USP40: variants seen among roughly 807,000 people sequenced by gnomAD.
USP40 encodes ubiquitin specific peptidase 40, also known as ubiquitin carboxyl-terminal hydrolase 40.
USP40 carries 143 observed loss-of-function variants against 166.2 expected under a neutral mutation model. The ratio of observed to expected loss-of-function variants is 0.86; its 90% CI spans 0.75 to 0.99. USP40 has a LOEUF of 0.99. USP40 is among the 50% of genes least tolerant of loss of function. The pLI is 0.00. For synonymous variants in USP40, 498 were observed against 524.0 expected, an observed-to-expected ratio of 0.95 and a Z score of 0.68; for missense variants, 1,444 against 1,479.7, an observed-to-expected ratio of 0.98 and a Z score of 0.40.
Position 233,486,766 on chromosome 2 carries a change from A to G in USP40, c.3198-789T>C, listed in dbSNP as rs1380809862. On this transcript the variant is annotated intron_variant, in intron 28 of 31. Transcript: ENST00000678225. The surrounding 1 kb of genome is among the most constrained non-coding windows in gnomAD (Gnocchi z 4.0). ...CGGGAAGATGTGGGCCCATGGAATC[A>G]GGGGAGTGCAGAGTGCAAGAGCAGA... Among the ~76,000 whole-genome samples the G allele has an allele frequency of 6.6e-6, 1 of 152,222 alleles. No homozygotes were observed. Among genetic ancestry groups the G allele is most frequent in the Non-Finnish European group, 1.5e-5 (1 of 68,024 alleles).
At chr2:233,503,819 C>T (rs1444109254) in intron 21 of USP40, among the ~76,000 whole-genome samples, 3 of 152,112 alleles carry the variant, frequency 2.0e-5, no homozygotes, top group Non-Finnish European at 4.4e-5. Flanking sequence ...ATCATGAAAA[C>T]ACATGAAAGT....
rs2971861 is a variant in USP40 at position 233,477,013 on chromosome 2, C to G, written c.*379G>C. The G allele has an allele frequency of 0.23, 76,544 of 338,194 alleles. 9,786 individuals carry two copies. Among genetic ancestry groups the G allele is most frequent in the African/African-American group, 0.4 (18,485 of 46,412 alleles). The allele number at this position is 338,194 out of a possible 1,614,324, so 20.9% of individuals were successfully genotyped here. A position where few individuals can be genotyped will look rare whatever the true frequency, so the allele number is the denominator to read the frequency against. ...TCTGAACACGGAGGAAAGTGGCTGG[C>G]CTGACCCCACACACCTCCCACAGCG... is the stretch of plus-strand genomic sequence containing the variant. On this transcript the variant is annotated 3_prime_UTR_variant, in exon 32 of 32. Transcript: ENST00000678225.
At chr2:233,496,213 C>T (rs914638302) in intron 24 of USP40, among the ~76,000 whole-genome samples, 10 of 152,180 alleles carry the variant, frequency 6.6e-5, no homozygotes, top group Admixed American at 5.9e-4. Flanking sequence ...TTCACTTTTA[C>T]GTGCATCCTC....
intron 20 of USP40, 97 bp downstream of exon 20, chr2:233,511,612 T>C (rs2066841364): frequency 2.3e-6 from 2 of 872,250 alleles, no homozygotes; most frequent in Middle Eastern, 2.3e-4. Context: ...AAAAAACTTT[T>C]AGAGAAAAAC....
At position 233,493,651 on chromosome 2, in the gene USP40, C is replaced by T; in HGVS notation, c.2791-100G>A. On this transcript the variant is annotated intron_variant, in intron 24 of 31. Transcript: ENST00000678225. The surrounding 1 kb of genome is among the most constrained non-coding windows in gnomAD (Gnocchi z 4.7). Reference sequence around the variant, plus strand: ...AAACACCTTGATGACCTAAGATGTTCTTGAACTTATCATTTTTCCTTTTAG... The same window carrying T: ...AAACACCTTGATGACCTAAGATGTTTTTGAACTTATCATTTTTCCTTTTAG... 4 of 1,267,434 alleles carry T rather than the reference C, an allele frequency of 3.2e-6. No homozygotes were observed. Among genetic ancestry groups the T allele is most frequent in the South Asian group, 4.2e-5 (2 of 47,688 alleles). 78.5% of individuals were successfully genotyped at this position (1,267,434 alleles called of 1,614,324 possible).
chr2:233,481,225 GT>G lies in USP40; in HGVS notation c.3576del (p.Gln1192HisfsTer56), dbSNP rs2064566059. On this transcript the variant is annotated frameshift_variant, in exon 31 of 32. Coordinates refer to ENST00000678225, the MANE Select transcript of USP40 (RefSeq NM_001365479.2). LOFTEE classifies it low-confidence loss of function (END_TRUNC). The part of the protein sequence containing the change: ...RDDTGKEKQK[Q>X]RALGRRKSQE... ...TACCTTTTCCTTCTCCCCAGGGCCC[GT>G]TGTTTCTGCTTTTCTTTTCCAGTGT... The G allele has an allele frequency of 6.2e-7, 1 of 1,607,450 alleles. No individual in the cohort carries two copies. The highest frequency in any genetic ancestry group is 8.5e-7 in the Non-Finnish European group (1 of 1,176,728).
intron 11 of USP40, among the ~76,000 whole-genome samples, chr2:233,533,273 GA>G (rs1372264333): frequency 6.6e-6 from 1 of 152,108 alleles, no homozygotes; most frequent in Admixed American, 6.6e-5. Context: ...TTACAGGGTA[GA>G]AAATTAAAGA....
At chr2:233,534,081 T>C (rs1461027464) in intron 10 of USP40, among the ~76,000 whole-genome samples, 5 of 152,190 alleles carry the variant, frequency 3.3e-5, no homozygotes, top group South Asian at 2.1e-4. Context: ...ACAGATTAGG[T>C]AGAACAAACA....
chr2:233,488,046 T>C (rs998477337), intron 28 of USP40, 193 bp downstream of exon 28: 3 of 712,676 alleles, frequency 4.2e-6, no homozygotes, highest in African/African-American at 1.8e-5. Context: ...TTACTGTTTT[T>C]ATGGGAGAAT....
intron 6 of USP40, among the ~76,000 whole-genome samples, chr2:233,552,538 G>A (rs983456216): frequency 6.6e-6 from 1 of 152,190 alleles, no homozygotes; most frequent in Non-Finnish European, 1.5e-5. Context: ...TTCTTATTTT[G>A]TAATGTGAAC....
intron 8 of USP40, among the ~76,000 whole-genome samples, chr2:233,543,893 T>C (rs566279110): frequency 1.9e-4 from 29 of 152,346 alleles, no homozygotes; most frequent in African/African-American, 5.3e-4. Flanking sequence ...AGAGAAAGCC[T>C]AGGCCTACCC....
chr2:233,508,994 T>C (rs1575257515), intron 21 of USP40, among the ~76,000 whole-genome samples: 3 of 152,282 alleles, frequency 2.0e-5, no homozygotes, highest in Middle Eastern at 3.4e-3. Flanking sequence ...CTGCTTTCTG[T>C]GATGGTAAGA....
At chr2:233,477,889 A>C (rs957671690) in intron 31 of USP40, among the ~76,000 whole-genome samples, 2 of 152,262 alleles carry the variant, frequency 1.3e-5, no homozygotes, top group South Asian at 2.1e-4. Flanking sequence ...CATGATGCAG[A>C]GGCTGCCTCT....
Position 233,493,088 on chromosome 2 carries a change from A to T in USP40, c.2917+337T>A, listed in dbSNP as rs76856049. On this transcript the variant is annotated intron_variant, in intron 25 of 31. Coordinates refer to ENST00000678225, the MANE Select transcript of USP40 (RefSeq NM_001365479.2). The surrounding 1 kb of genome is among the most constrained non-coding windows in gnomAD (Gnocchi z 4.7). The stretch of plus-strand genomic sequence containing the variant: ...GCTAAAATGACATCATTAGAATTGG[A>T]TGAAGTCTCAATATTCTGGTACGTG... 3,362 of 358,482 alleles carry T rather than the reference A, an allele frequency of 9.4e-3. 74 individuals carry two copies. Among genetic ancestry groups the T allele is most frequent in the East Asian group, 0.057 (1,305 of 22,734 alleles). The allele number at this position is 358,482 out of a possible 1,614,324, so 22.2% of individuals were successfully genotyped here. A position where few individuals can be genotyped will look rare whatever the true frequency, so the allele number is the denominator to read the frequency against.
chr2:233,479,830 C>T (rs577201695), intron 31 of USP40, among the ~76,000 whole-genome samples: 1 of 152,084 alleles, frequency 6.6e-6, no homozygotes, highest in Non-Finnish European at 1.5e-5. Context: ...AGGGAGTCAG[C>T]AAAGGCCACG....
Position 233,481,223 on chromosome 2 carries a change from C to T in USP40, c.3579G>A (p.Arg1193=). ...DDTGKEKQKQ[R]ALGRRKSQEA... ...ATTACCTTTTCCTTCTCCCCAGGGC[C>T]CGTTGTTTCTGCTTTTCTTTTCCAG... is the stretch of plus-strand genomic sequence containing the variant. The change falls in exon 31 of 32, where the codon CGG becomes CGA. Residue 1193 remains arginine (R), a synonymous_variant. Transcript: ENST00000678225. 6.2e-7 allele frequency: 1 copy of T among 1,607,394 alleles called. No individual in the cohort carries two copies. The highest frequency in any genetic ancestry group is 8.5e-7 in the Non-Finnish European group (1 of 1,176,662).
At chr2:233,491,018 C>T in intron 26 of USP40, 149 bp downstream of exon 26, 1 of 744,420 alleles carries the variant, frequency 1.3e-6, no homozygotes, top group Non-Finnish European at 2.4e-6. Flanking sequence ...CGTGTATTGC[C>T]TGCGGGTACT....
At position 233,564,259 on chromosome 2, in the gene USP40, T is replaced by C. The variant is rs187432961; in HGVS notation, c.199+1097A>G. ...AAAGATTTGATAAATGTGGTGGCAG[T>C]AGGGAAGAGGAACATGGCAAACCAG... On this transcript the variant is annotated intron_variant, in intron 2 of 31. Transcript: ENST00000678225. Among the ~76,000 whole-genome samples the C allele has an allele frequency of 1.4e-3, 211 of 152,172 alleles. 1 individual carries two copies. The highest frequency in any genetic ancestry group is 0.013 in the Admixed American group (192 of 15,286).
chr2:233,518,168 A>C (rs2067371301), intron 18 of USP40, among the ~76,000 whole-genome samples: 1 of 151,024 alleles, frequency 6.6e-6, no homozygotes, highest in Non-Finnish European at 1.5e-5. Flanking sequence ...TACCCCAATA[A>C]CCTATGGAAA....
Sources: gnomAD v4.1 joint callset for allele counts (sites outside exome capture counted in the v4.1 genomes callset) on GRCh38, gnomAD v4.1.1 for gene constraint, Gnocchi (gnomAD v3.1) non-coding constraint, MANE v1.5 for transcripts, NCBI Gene and HGNC (gene_info 2026-07-23, HGNC 2026-07-21) for gene names.